SLC9A9: variants seen among roughly 807,000 people sequenced by gnomAD.
SLC9A9 encodes the protein sodium/hydrogen exchanger 9.
Under a neutral mutation model 77.8 loss-of-function variants are expected in SLC9A9, and 62 were observed. The observed-to-expected ratio is 0.80, with a 90% CI of 0.65 to 0.98. The LOEUF (loss-of-function observed/expected upper bound fraction) is 0.98. Among genes scored for constraint, SLC9A9 ranks in the 50% least tolerant of loss-of-function variants. The pLI is 0.00. For missense variants in SLC9A9, 775 were observed against 774.9 expected, an observed-to-expected ratio of 1.00 and a Z score of 0.00; for synonymous variants, 320 against 283.5, an observed-to-expected ratio of 1.13 and a Z score of -1.29.
chr3:143,412,410 C>T lies in SLC9A9; in HGVS notation c.1470-30296G>A, dbSNP rs902666108. ...CCCCAACACCCTCAGTGGCCCTGCA[C>T]CTTCTACAGCACAGCATCTGACCAC... On this transcript the variant is annotated intron_variant, in intron 12 of 15. Coordinates refer to ENST00000316549, the MANE Select transcript of SLC9A9 (RefSeq NM_173653.4). Among the ~76,000 whole-genome samples, 15 of 152,152 alleles carry T rather than the reference C, an allele frequency of 9.9e-5. 1 individual carries two copies. Among genetic ancestry groups the T allele is most frequent in the South Asian group, 6.2e-4 (3 of 4,818 alleles).
At position 143,502,104 on chromosome 3, in the gene SLC9A9, A is replaced by G. The variant is rs185134311; in HGVS notation, c.1090-6656T>C. Among the ~76,000 whole-genome samples the G allele has an allele frequency of 1.4e-3, 210 of 151,198 alleles. 17 individuals are homozygous for G. The highest frequency in any genetic ancestry group is 5.0e-3 in the African/African-American group (204 of 40,478). On this transcript the variant is annotated intron_variant, in intron 9 of 15. Coordinates refer to ENST00000316549, the MANE Select transcript of SLC9A9 (RefSeq NM_173653.4). Reference sequence around the variant, plus strand: ...GTTCAATATAAATAACTTCAAATCTACTTCCTCCCCACTCAGGGTCAGTAA... The same window carrying G: ...GTTCAATATAAATAACTTCAAATCTGCTTCCTCCCCACTCAGGGTCAGTAA...
intron 6 of SLC9A9, among the ~76,000 whole-genome samples, chr3:143,645,560 C>G (rs527526745): frequency 6.6e-6 from 1 of 152,314 alleles, no homozygotes; most frequent in South Asian, 2.1e-4. Flanking sequence ...AGGTTCCCCT[C>G]AGTTCCACGG....
chr3:143,768,299 C>T (rs2007399008), intron 4 of SLC9A9, among the ~76,000 whole-genome samples: 1 of 152,166 alleles, frequency 6.6e-6, no homozygotes, highest in Non-Finnish European at 1.5e-5. Flanking sequence ...TAAGGGGGCA[C>T]TGCATATCTG....
At chr3:143,498,962 T>C (rs911932149) in intron 9 of SLC9A9, among the ~76,000 whole-genome samples, 4 of 152,242 alleles carry the variant, frequency 2.6e-5, no homozygotes, top group African/African-American at 9.6e-5. Context: ...GGGTATTTTC[T>C]AGTTTGGGGC....
chr3:143,553,019 T>A (rs2036919328), intron 8 of SLC9A9, among the ~76,000 whole-genome samples: 7 of 152,190 alleles, frequency 4.6e-5, no homozygotes, highest in Admixed American at 4.6e-4. Flanking sequence ...TTTTCTCCTG[T>A]GCCTCTTTGG....
At chr3:143,725,464 T>C (rs1031341133) in intron 4 of SLC9A9, among the ~76,000 whole-genome samples, 1 of 151,918 alleles carries the variant, frequency 6.6e-6, no homozygotes, top group African/African-American at 2.4e-5. Flanking sequence ...CTATTCACAA[T>C]AGCTAAGACT....
chr3:143,506,987 T>C (rs1473989226), intron 9 of SLC9A9, among the ~76,000 whole-genome samples: 1 of 152,062 alleles, frequency 6.6e-6, no homozygotes, highest in Non-Finnish European at 1.5e-5. Context: ...TCACACATTA[T>C]CACATTTTTC....
chr3:143,546,754 T>C (rs542674196), intron 9 of SLC9A9, among the ~76,000 whole-genome samples: 6 of 152,204 alleles, frequency 3.9e-5, no homozygotes, highest in Non-Finnish European at 7.3e-5. Context: ...ATTTTTTTCT[T>C]TACTGTTTCA....
chr3:143,710,314 G>A (rs953684100), intron 4 of SLC9A9, among the ~76,000 whole-genome samples: 4 of 152,174 alleles, frequency 2.6e-5, no homozygotes, highest in African/African-American at 7.2e-5. Context: ...CCCTGTGCAC[G>A]CACACGCAGC....
chr3:143,266,465 AT>A lies in SLC9A9; in HGVS notation c.*236del. On this transcript the variant is annotated 3_prime_UTR_variant, in exon 16 of 16. Coordinates refer to ENST00000316549, the MANE Select transcript of SLC9A9 (RefSeq NM_173653.4). ...GATACCTCCATCCCCACCCCAGCCAATCCAGTAATCAGAATGGCTGCTGTCA... is the reference window on the plus strand; with the variant it reads ...GATACCTCCATCCCCACCCCAGCCAACCAGTAATCAGAATGGCTGCTGTCA... 1.7e-6 allele frequency: 1 copy of A among 573,352 alleles called. No homozygotes were observed. The highest frequency in any genetic ancestry group is 3.1e-6 in the Non-Finnish European group (1 of 320,326). The allele number at this position is 573,352 out of a possible 1,614,324, so 35.5% of individuals were successfully genotyped here. A position where few individuals can be genotyped will look rare whatever the true frequency, so the allele number is the denominator to read the frequency against.
At chr3:143,270,803 G>A (rs1039157974) in intron 14 of SLC9A9, among the ~76,000 whole-genome samples, 1 of 152,204 alleles carries the variant, frequency 6.6e-6, no homozygotes, top group African/African-American at 2.4e-5. Context: ...GTTTAGGATT[G>A]TGTAATGAAC....
At chr3:143,688,545 G>T (rs1459665900) in intron 5 of SLC9A9, among the ~76,000 whole-genome samples, 1 of 152,080 alleles carries the variant, frequency 6.6e-6, no homozygotes, top group African/African-American at 2.4e-5. Flanking sequence ...AGCTAGATAG[G>T]CTGAAAATTT....
intron 6 of SLC9A9, among the ~76,000 whole-genome samples, chr3:143,583,409 C>T (rs1274716071): frequency 2.6e-5 from 4 of 152,168 alleles, no homozygotes. Flanking sequence ...TATCATTTCA[C>T]TTTCACAGAC....
At chr3:143,567,724 T>G (rs918325312) in intron 8 of SLC9A9, among the ~76,000 whole-genome samples, 1 of 152,136 alleles carries the variant, frequency 6.6e-6, no homozygotes, top group African/African-American at 2.4e-5. Flanking sequence ...ATCATCAAAT[T>G]AGTAACAACT....
In SLC9A9 at chr3:143,616,000, C is replaced by A. The variant is rs553549577; in HGVS notation, c.755+36255G>T. 2.6e-5 allele frequency among the ~76,000 whole-genome samples: 4 copies of A among 152,056 alleles called. No individual in the cohort carries two copies. The South Asian group carries it at 8.3e-4, about 32-fold the overall frequency. ...GGTTCATGCCATTCTCCTGCCTCAG[C>A]CTCCCAAGTAGTTGGGACTACAGGC... On this transcript the variant is annotated intron_variant, in intron 6 of 15. Transcript: ENST00000316549.
intron 4 of SLC9A9, among the ~76,000 whole-genome samples, chr3:143,775,634 GT>G (rs2007664527): frequency 6.6e-6 from 1 of 152,166 alleles, no homozygotes; most frequent in South Asian, 2.1e-4. Context: ...GGGTATAATT[GT>G]TTCATTCTGT....
At chr3:143,840,515 T>C (rs1248830384) in intron 1 of SLC9A9, among the ~76,000 whole-genome samples, 1 of 152,230 alleles carries the variant, frequency 6.6e-6, no homozygotes, top group African/African-American at 2.4e-5. Flanking sequence ...AGAAAGACCA[T>C]GAACTTGCAA....
chr3:143,350,583 CT>C (rs1334950938), intron 14 of SLC9A9, among the ~76,000 whole-genome samples: 1 of 152,178 alleles, frequency 6.6e-6, no homozygotes, highest in Non-Finnish European at 1.5e-5. Flanking sequence ...GTGACCTTTG[CT>C]TTGTCTGGAA....
intron 12 of SLC9A9, among the ~76,000 whole-genome samples, chr3:143,384,869 G>A (rs2033387569): frequency 6.6e-6 from 1 of 152,158 alleles, no homozygotes. Flanking sequence ...GTTCAATGAG[G>A]ATAATATAAA....
Sources: gnomAD v4.1 joint callset for allele counts (sites outside exome capture counted in the v4.1 genomes callset) on GRCh38, gnomAD v4.1.1 for gene constraint, MANE v1.5 for transcripts, NCBI Gene and HGNC (gene_info 2026-07-23, HGNC 2026-07-21) for gene names.